The following SLCO3A1 variants were observed in gnomAD, a reference collection of about 807,000 sequenced individuals.
The protein encoded by SLCO3A1 is solute carrier organic anion transporter family member 3A1.
SLCO3A1 carries 27 observed loss-of-function variants against 63.1 expected under a neutral mutation model. That is an observed-to-expected ratio of 0.43 (90% CI 0.32 to 0.59). SLCO3A1 has a LOEUF of 0.59. SLCO3A1 is among the 20% of genes least tolerant of loss of function. SLCO3A1 has a pLI of 0.09. For missense variants in SLCO3A1, 773 were observed against 945.8 expected (o/e 0.82, Z 2.40); for synonymous variants, 473 against 409.9 (o/e 1.15, Z -1.86).
intron 7 of SLCO3A1, among the ~76,000 whole-genome samples, chr15:92,128,805 G>T (rs1484357193): frequency 6.6e-6 from 1 of 152,198 alleles, no homozygotes; most frequent in Non-Finnish European, 1.5e-5. Flanking sequence ...CATGGGTAGT[G>T]AGCTCCCCAT....
In SLCO3A1 at chr15:91,948,118, C is replaced by T. The variant is rs115735448; in HGVS notation, c.646+31660C>T. Among the ~76,000 whole-genome samples, 639 of 152,232 alleles carry T rather than the reference C, an allele frequency of 4.2e-3. 4 individuals are homozygous for T. Among genetic ancestry groups the T allele is most frequent in the African/African-American group, 0.014 (597 of 41,542 alleles). The stretch of plus-strand genomic sequence containing the variant: ...GCATTCCTTGCTCAGCTTTCCACAC[C>T]CTAATAAAAGTCTGAGCCAGAAAGT... On this transcript the variant is annotated intron_variant, in intron 2 of 9. Transcript: ENST00000318445. This position sits in a 1 kb window ranked among gnomAD's most constrained non-coding sequence, Gnocchi z 4.8.
chr15:91,993,257 G>T (rs2046149726), intron 2 of SLCO3A1, among the ~76,000 whole-genome samples: 2 of 152,170 alleles, frequency 1.3e-5, no homozygotes, highest in Admixed American at 1.3e-4. Context: ...AATTTCAGTT[G>T]TCTTTGTTTT....
At chr15:92,135,364 C>T (rs1017603421) in intron 7 of SLCO3A1, among the ~76,000 whole-genome samples, 2 of 152,144 alleles carry the variant, frequency 1.3e-5, no homozygotes, top group African/African-American at 4.8e-5. Context: ...GCTCACGCGC[C>T]ACAGGTTACC....
At chr15:91,940,873 A>C (rs1899596533) in intron 2 of SLCO3A1, among the ~76,000 whole-genome samples, 2 of 151,698 alleles carry the variant, frequency 1.3e-5, no homozygotes, top group South Asian at 2.1e-4. Flanking sequence ...CCTCCTAACC[A>C]CCCCAGCATT....
chr15:92,129,102 C>T (rs1186940713), intron 7 of SLCO3A1, among the ~76,000 whole-genome samples: 1 of 152,186 alleles, frequency 6.6e-6, no homozygotes, highest in African/African-American at 2.4e-5. Flanking sequence ...TCCATTGGTG[C>T]TGATCCCACC....
At chr15:92,095,976 A>G (rs755266563) in intron 3 of SLCO3A1, among the ~76,000 whole-genome samples, 1 of 152,208 alleles carries the variant, frequency 6.6e-6, no homozygotes, top group Non-Finnish European at 1.5e-5. Context: ...GTTGCTGCAT[A>G]AGAAATAACC....
chr15:92,023,381 T>C (rs1339526455), intron 2 of SLCO3A1, among the ~76,000 whole-genome samples: 7 of 152,244 alleles, frequency 4.6e-5, no homozygotes, highest in Non-Finnish European at 8.8e-5. Flanking sequence ...ATTTTTTAAA[T>C]TATTCTTTTT....
At chr15:92,034,169 A>G (rs1016651108) in intron 2 of SLCO3A1, among the ~76,000 whole-genome samples, 6 of 151,630 alleles carry the variant, frequency 4.0e-5, no homozygotes, top group Non-Finnish European at 8.9e-5. Context: ...GCAGGGATCC[A>G]GGAGAGGGAT....
chr15:92,159,483 C>CA (rs202140776), intron 9 of SLCO3A1, among the ~76,000 whole-genome samples: 6,137 of 128,214 alleles, frequency 0.048, 318 homozygotes, highest in African/African-American at 0.14. Flanking sequence ...AACTCTGTCT[C>CA]AAAAAAAAAA....
rs568462027 is a variant in SLCO3A1 at position 92,129,866 on chromosome 15, A to G, written c.1512+1377A>G. On this transcript the variant is annotated intron_variant, in intron 7 of 9. Coordinates refer to ENST00000318445, the MANE Select transcript of SLCO3A1 (RefSeq NM_013272.4). ...TTAACATTTTCTTTAGAGAAAATAA[A>G]TCACCATGGGGGGTGGGTGGGAGAA... 2.6e-5 allele frequency among the ~76,000 whole-genome samples: 4 copies of G among 151,260 alleles called. No homozygotes were observed. In the South Asian group the frequency reaches 8.3e-4, roughly 32 times the overall value.
At position 92,146,445 on chromosome 15, in the gene SLCO3A1, T is replaced by A. The variant is rs2048224101; in HGVS notation, c.1513-539T>A. ...TTTGCTTCCTCAGCCTCCAGAGAAC[T>A]TTCCATCAGCTGTCCCTCGCCCAGC... On this transcript the variant is annotated intron_variant, in intron 7 of 9. Coordinates refer to ENST00000318445, the MANE Select transcript of SLCO3A1 (RefSeq NM_013272.4). 3.9e-5 allele frequency among the ~76,000 whole-genome samples: 6 copies of A among 152,376 alleles called. No homozygotes were observed. The South Asian group carries it at 8.3e-4, about 21-fold the overall frequency.
In SLCO3A1 at chr15:92,163,175, G is replaced by A. The variant is rs200767748; in HGVS notation, c.*40G>A. The A allele has an allele frequency of 8.5e-6, 12 of 1,416,156 alleles. No homozygotes were observed. In the East Asian group the frequency reaches 1.3e-4, roughly 15 times the overall value. 87.7% of individuals were successfully genotyped at this position (1,416,156 alleles called of 1,614,324 possible). A position where few individuals can be genotyped will look rare whatever the true frequency, so the allele number is the denominator to read the frequency against. On this transcript the variant is annotated 3_prime_UTR_variant, in exon 10 of 10. Transcript: ENST00000318445. ...CTGAACTCTGTATTAGTAATCCAAG[G>A]GTCATTTTTTTCTTAAAAAAAGAAA...
chr15:91,857,580 T>C (rs553520700), intron 1 of SLCO3A1, among the ~76,000 whole-genome samples: 3 of 152,192 alleles, frequency 2.0e-5, no homozygotes, highest in Non-Finnish European at 4.4e-5. Context: ...ATGTAACATG[T>C]GCTTAAGTCT....
chr15:92,129,457 C>T (rs140907714), intron 7 of SLCO3A1, among the ~76,000 whole-genome samples: 242 of 152,298 alleles, frequency 1.6e-3, no homozygotes, highest in Non-Finnish European at 2.8e-3. Flanking sequence ...CCTCTGAAAC[C>T]ATCCCTTCCC....
At chr15:91,955,323 G>T (rs1037152832) in intron 2 of SLCO3A1, among the ~76,000 whole-genome samples, 4 of 151,200 alleles carry the variant, frequency 2.6e-5, no homozygotes, top group Non-Finnish European at 4.4e-5. Flanking sequence ...TTCATTCTAT[G>T]TCATTTTCTT....
intron 4 of SLCO3A1, among the ~76,000 whole-genome samples, chr15:92,112,917 G>C (rs768783581): frequency 1.3e-5 from 2 of 152,158 alleles, no homozygotes; most frequent in Admixed American, 1.3e-4. Context: ...GGCTTTCCAG[G>C]GTGAATGCCT....
intron 1 of SLCO3A1, among the ~76,000 whole-genome samples, chr15:91,870,633 T>C (rs1897260405): frequency 6.6e-6 from 1 of 152,260 alleles, no homozygotes; most frequent in South Asian, 2.1e-4. Flanking sequence ...GTGAATTCTC[T>C]GCTGTAAGGC....
intron 2 of SLCO3A1, among the ~76,000 whole-genome samples, chr15:92,031,582 T>C (rs2046648899): frequency 6.6e-6 from 1 of 152,128 alleles, no homozygotes; most frequent in Non-Finnish European, 1.5e-5. Flanking sequence ...TGTAGAAGTG[T>C]GGTATGTCTG....
intron 2 of SLCO3A1, among the ~76,000 whole-genome samples, chr15:91,939,212 G>A (rs984348321): frequency 2.0e-5 from 3 of 152,192 alleles, no homozygotes. Context: ...CACGTCAAAT[G>A]GCCAAAACAG....
Sources: gnomAD v4.1 joint callset for allele counts (sites outside exome capture counted in the v4.1 genomes callset) on GRCh38, gnomAD v4.1.1 for gene constraint, Gnocchi (gnomAD v3.1) non-coding constraint, MANE v1.5 for transcripts, NCBI Gene and HGNC (gene_info 2026-07-23, HGNC 2026-07-21) for gene names.